UNC5D: variants seen among roughly 807,000 people sequenced by gnomAD.
UNC5D encodes unc-5 netrin receptor D, also known as netrin receptor UNC5D.
Under a neutral mutation model 105.4 loss-of-function variants are expected in UNC5D, and 39 were observed. That is an observed-to-expected ratio of 0.37 (90% CI 0.29 to 0.48). UNC5D has a LOEUF of 0.48. Among genes scored for constraint, UNC5D ranks in the 20% least tolerant of loss-of-function variants. The probability of loss-of-function intolerance (pLI) is 0.98; values close to 1 mark genes in which losing one functional copy is unlikely to be tolerated. For missense variants in UNC5D, 991 were observed against 1,202.4 expected (o/e 0.82, Z 2.60); for synonymous variants, 452 against 450.4 (o/e 1.00, Z -0.04).
intron 16 of UNC5D, among the ~76,000 whole-genome samples, chr8:35,785,723 G>A (rs978528895): frequency 5.9e-5 from 9 of 152,184 alleles, no homozygotes; most frequent in South Asian, 2.1e-4. Flanking sequence ...ACACTCACCC[G>A]TCCAAACCCA....
intron 1 of UNC5D, among the ~76,000 whole-genome samples, chr8:35,427,959 A>G (rs1217111677): frequency 6.6e-6 from 1 of 152,174 alleles, no homozygotes; most frequent in Non-Finnish European, 1.5e-5. Flanking sequence ...GTCCTGGTTT[A>G]CAAACACTTT....
intron 11 of UNC5D, among the ~76,000 whole-genome samples, chr8:35,732,926 C>T (rs1829275417): frequency 6.6e-6 from 1 of 152,160 alleles, no homozygotes; most frequent in African/African-American, 2.4e-5. Context: ...CAAAAAACAG[C>T]TTGGCCTCCT....
At chr8:35,733,610 A>G (rs1209006818) in intron 11 of UNC5D, among the ~76,000 whole-genome samples, 1 of 152,196 alleles carries the variant, frequency 6.6e-6, no homozygotes, top group Non-Finnish European at 1.5e-5. Context: ...CACACAGAGC[A>G]CAGTAGGATC....
chr8:35,768,011 T>C (rs1192371980), intron 15 of UNC5D, among the ~76,000 whole-genome samples: 2 of 150,224 alleles, frequency 1.3e-5, no homozygotes, highest in African/African-American at 4.9e-5. Flanking sequence ...AATATATATA[T>C]ACATATATGC....
intron 1 of UNC5D, among the ~76,000 whole-genome samples, chr8:35,294,251 A>C (rs1590094): frequency 0.82 from 124,706 of 152,102 alleles, 51,581 homozygotes; most frequent in East Asian, 1. Flanking sequence ...AGTCCTGGTA[A>C]TTTCTTCTCT....
intron 1 of UNC5D, among the ~76,000 whole-genome samples, chr8:35,421,978 C>G (rs1486068641): frequency 6.6e-6 from 1 of 152,214 alleles, no homozygotes; most frequent in African/African-American, 2.4e-5. Context: ...AATATACCTT[C>G]TACTTTGTTC....
chr8:35,297,998 T>C (rs1467018385), intron 1 of UNC5D, among the ~76,000 whole-genome samples: 6 of 152,170 alleles, frequency 3.9e-5, no homozygotes, highest in Non-Finnish European at 7.3e-5. Flanking sequence ...GTACTGGTGA[T>C]CTTTCTGGTC....
At chr8:35,539,713 T>C (rs989107551) in intron 1 of UNC5D, among the ~76,000 whole-genome samples, 24 of 152,224 alleles carry the variant, frequency 1.6e-4, no homozygotes, top group African/African-American at 5.1e-4. Context: ...CGTCGAATCA[T>C]GTTCCAGTCA....
chr8:35,687,695 T>C (rs1826110277), intron 7 of UNC5D, among the ~76,000 whole-genome samples: 1 of 152,164 alleles, frequency 6.6e-6, no homozygotes, highest in South Asian at 2.1e-4. Context: ...TTATTTACTT[T>C]GTGTTCTTTG....
intron 1 of UNC5D, among the ~76,000 whole-genome samples, chr8:35,386,425 GT>G (rs909924821): frequency 6.6e-6 from 1 of 151,980 alleles, no homozygotes; most frequent in Non-Finnish European, 1.5e-5. Context: ...GTACCTTATT[GT>G]TTTTTTAACT....
chr8:35,315,252 T>C (rs1175762944), intron 1 of UNC5D, among the ~76,000 whole-genome samples: 9 of 152,202 alleles, frequency 5.9e-5, no homozygotes, highest in Non-Finnish European at 1.0e-4. Flanking sequence ...ACTTAGTAAC[T>C]TAAGACAATC....
chr8:35,487,526 A>T (rs1810901166), intron 1 of UNC5D, among the ~76,000 whole-genome samples: 1 of 151,274 alleles, frequency 6.6e-6, no homozygotes, highest in African/African-American at 2.4e-5. Flanking sequence ...TACATGAGCC[A>T]ATTCCTTAAA....
chr8:35,768,827 T>G (rs1354919010), intron 15 of UNC5D, among the ~76,000 whole-genome samples: 2 of 152,222 alleles, frequency 1.3e-5, no homozygotes, highest in African/African-American at 2.4e-5. Context: ...TAATATCTCT[T>G]GATAATGAGA....
intron 8 of UNC5D, chr8:35,721,545 T>C (rs1828585010): frequency 8.5e-6 from 6 of 702,488 alleles, no homozygotes; most frequent in South Asian, 1.5e-5. Context: ...TAGCATTTAA[T>C]TGGTGTCAGA....
At chr8:35,356,374 G>T (rs889407046) in intron 1 of UNC5D, among the ~76,000 whole-genome samples, 2 of 151,940 alleles carry the variant, frequency 1.3e-5, no homozygotes, top group African/African-American at 2.4e-5. Context: ...ATCCCCGTTG[G>T]ATGCCTCTGG....
intron 11 of UNC5D, among the ~76,000 whole-genome samples, chr8:35,747,607 G>A (rs1352828631): frequency 6.6e-6 from 1 of 152,072 alleles, no homozygotes; most frequent in East Asian, 1.9e-4. Flanking sequence ...GCTTGTTGAA[G>A]AACACATATG....
intron 1 of UNC5D, among the ~76,000 whole-genome samples, chr8:35,296,537 T>C (rs1212938860): frequency 6.6e-5 from 10 of 152,212 alleles, no homozygotes; most frequent in African/African-American, 2.4e-4. Context: ...CTTCTGCCTC[T>C]GCCTCCTGAG....
At chr8:35,697,411 A>G (rs1826866995) in intron 7 of UNC5D, among the ~76,000 whole-genome samples, 2 of 151,804 alleles carry the variant, frequency 1.3e-5, no homozygotes, top group South Asian at 4.2e-4. Context: ...ACCTAAAATC[A>G]GCCATTTGAG....
chr8:35,377,065 G>A (rs143212850), intron 1 of UNC5D, among the ~76,000 whole-genome samples: 17 of 152,246 alleles, frequency 1.1e-4, no homozygotes, highest in Non-Finnish European at 1.9e-4. Flanking sequence ...TGGATATGAG[G>A]CTTTTTCACA....
Sources: gnomAD v4.1 joint callset for allele counts (sites outside exome capture counted in the v4.1 genomes callset) on GRCh38, gnomAD v4.1.1 for gene constraint, MANE v1.5 for transcripts, NCBI Gene and HGNC (gene_info 2026-07-23, HGNC 2026-07-21) for gene names.